Variants in MPPED2 observed in about 807,000 individuals in gnomAD.
The protein encoded by MPPED2 is metallophosphoesterase MPPED2.
MPPED2 carries 5 observed loss-of-function variants against 33.0 expected under a neutral mutation model. The observed-to-expected ratio is 0.15, with a 90% CI of 0.08 to 0.32. MPPED2 has a LOEUF of 0.32. Among genes scored for constraint, MPPED2 ranks in the 10% least tolerant of loss-of-function variants. MPPED2 has a pLI of 1.00. For synonymous variants in MPPED2, 136 were observed against 141.9 expected (o/e 0.96, Z 0.29); for missense variants, 275 against 372.1 (o/e 0.74, Z 2.15).
At chr11:30,411,964 A>C (rs999467178) in intron 6 of MPPED2, among the ~76,000 whole-genome samples, 1 of 151,960 alleles carries the variant, frequency 6.6e-6, no homozygotes, top group African/African-American at 2.4e-5. Flanking sequence ...TAATATAAGG[A>C]TTACTCCTCA....
At chr11:30,389,222 C>T (rs144117497) in intron 6 of MPPED2, among the ~76,000 whole-genome samples, 100 of 152,318 alleles carry the variant, frequency 6.6e-4, no homozygotes, top group African/African-American at 2.3e-3. Flanking sequence ...CTTCCTCCAG[C>T]AGAGCCTTTT....
At chr11:30,529,495 G>A (rs1954392478) in intron 3 of MPPED2, among the ~76,000 whole-genome samples, 1 of 151,834 alleles carries the variant, frequency 6.6e-6, no homozygotes, top group African/African-American at 2.4e-5. Context: ...CAATACAACT[G>A]TAAGACTTAT....
intron 4 of MPPED2, among the ~76,000 whole-genome samples, chr11:30,468,788 T>C (rs1313364611): frequency 1.3e-5 from 2 of 152,138 alleles, no homozygotes; most frequent in African/African-American, 4.8e-5. Flanking sequence ...CTGGTCCCAA[T>C]CATAAACCTG....
intron 4 of MPPED2, among the ~76,000 whole-genome samples, chr11:30,449,699 C>T (rs1291181703): frequency 5.3e-5 from 8 of 152,118 alleles, no homozygotes. Context: ...CCCTTTTCTG[C>T]CTAAAAACAG....
intron 3 of MPPED2, among the ~76,000 whole-genome samples, chr11:30,534,308 C>T (rs982804642): frequency 1.3e-5 from 2 of 151,908 alleles, no homozygotes; most frequent in African/African-American, 4.8e-5. Context: ...CAAGATTTAC[C>T]AACAATAATT....
At chr11:30,417,277 C>T (rs1199117231) in intron 5 of MPPED2, among the ~76,000 whole-genome samples, 6 of 152,160 alleles carry the variant, frequency 3.9e-5, no homozygotes, top group Non-Finnish European at 7.4e-5. Flanking sequence ...GCACACCATA[C>T]TCATTTGATT....
chr11:30,561,843 T>G (rs560479912), intron 2 of MPPED2, among the ~76,000 whole-genome samples: 8 of 152,216 alleles, frequency 5.3e-5, no homozygotes, highest in African/African-American at 1.7e-4. Flanking sequence ...ACACCAATGA[T>G]AGAGAACAGA....
chr11:30,505,521 G>A lies in MPPED2; in HGVS notation c.311-10000C>T, dbSNP rs112742666. ...ATCTGGCTGGACAAAAGAATCATAA[G>A]GTAGACTCTTCCACTGTTTATTTTA... On this transcript the variant is annotated intron_variant, in intron 3 of 6. Coordinates refer to ENST00000358117, the MANE Select transcript of MPPED2 (RefSeq NM_001584.3). Among the ~76,000 whole-genome samples, 507 of 152,268 alleles carry A rather than the reference G, an allele frequency of 3.3e-3. 3 individuals carry two copies. Among genetic ancestry groups the A allele is most frequent in the African/African-American group, 0.012 (483 of 41,554 alleles).
chr11:30,418,281 G>C (rs182883369), intron 4 of MPPED2, among the ~76,000 whole-genome samples: 1 of 152,248 alleles, frequency 6.6e-6, no homozygotes, highest in East Asian at 1.9e-4. Flanking sequence ...GGACATCCCT[G>C]GTCACTCTGG....
intron 3 of MPPED2, among the ~76,000 whole-genome samples, chr11:30,499,804 C>T (rs1329775269): frequency 6.6e-6 from 1 of 152,188 alleles, no homozygotes; most frequent in Admixed American, 6.5e-5. Flanking sequence ...CAATTCAGCC[C>T]TCAGATGTGT....
In MPPED2 at chr11:30,546,667, A is replaced by G. The variant is rs894532433; in HGVS notation, c.129-10492T>C. Among the ~76,000 whole-genome samples the G allele has an allele frequency of 2.6e-5, 4 of 152,104 alleles. No homozygotes were observed. In the South Asian group the frequency reaches 8.3e-4, roughly 32 times the overall value. On this transcript the variant is annotated intron_variant, in intron 2 of 6. Transcript: ENST00000358117. ...TTAATGGTCTGTATTGTTTTTTCCC[A>G]ACTTTGAGTTGAATTGATAAACTTA...
chr11:30,432,949 G>A (rs533782640), intron 4 of MPPED2, among the ~76,000 whole-genome samples: 18 of 152,294 alleles, frequency 1.2e-4, no homozygotes, highest in South Asian at 4.1e-4. Flanking sequence ...CAATGTGAAC[G>A]TGGAAAAAAG....
chr11:30,506,881 G>A (rs994847145), intron 3 of MPPED2, among the ~76,000 whole-genome samples: 4 of 152,216 alleles, frequency 2.6e-5, no homozygotes, highest in African/African-American at 7.2e-5. Context: ...GGGCAGGGCT[G>A]CAGAAACCAG....
At chr11:30,426,175 C>T (rs1948828290) in intron 4 of MPPED2, among the ~76,000 whole-genome samples, 1 of 152,170 alleles carries the variant, frequency 6.6e-6, no homozygotes. Flanking sequence ...TTCCTTCTCC[C>T]CCAGTCCCTA....
At chr11:30,477,856 A>G (rs565995086) in intron 4 of MPPED2, among the ~76,000 whole-genome samples, 2 of 152,136 alleles carry the variant, frequency 1.3e-5, no homozygotes, top group East Asian at 3.9e-4. Context: ...GACACTTTCA[A>G]TCTGCCCCTA....
intron 4 of MPPED2, among the ~76,000 whole-genome samples, chr11:30,428,657 T>C (rs377587228): frequency 1.3e-4 from 20 of 152,378 alleles, no homozygotes; most frequent in African/African-American, 4.8e-4. Context: ...AAATTCCAGC[T>C]GCTTTCTACT....
At chr11:30,416,087 A>C (rs1056178920) in intron 5 of MPPED2, among the ~76,000 whole-genome samples, 11 of 152,250 alleles carry the variant, frequency 7.2e-5, no homozygotes, top group East Asian at 1.9e-4. Context: ...GAACTTAGTT[A>C]ATTATGACTT....
chr11:30,508,186 A>G (rs1349498707), intron 3 of MPPED2, among the ~76,000 whole-genome samples: 1 of 152,182 alleles, frequency 6.6e-6, no homozygotes, highest in Non-Finnish European at 1.5e-5. Context: ...TGGAGAGCAT[A>G]CTCTGTCTGC....
intron 4 of MPPED2, among the ~76,000 whole-genome samples, chr11:30,475,365 A>G (rs892493025): frequency 1.3e-5 from 2 of 152,154 alleles, no homozygotes; most frequent in African/African-American, 4.8e-5. Flanking sequence ...ATATATACAT[A>G]CTATAATGAA....
Sources: gnomAD v4.1 joint callset for allele counts (sites outside exome capture counted in the v4.1 genomes callset) on GRCh38, gnomAD v4.1.1 for gene constraint, MANE v1.5 for transcripts, NCBI Gene and HGNC (gene_info 2026-07-23, HGNC 2026-07-21) for gene names.